Variants in GCSAML observed in about 807,000 individuals in gnomAD.
GCSAML encodes germinal center-associated signaling and motility-like protein.
Under a neutral mutation model 13.0 loss-of-function variants are expected in GCSAML, and 9 were observed. The ratio of observed to expected loss-of-function variants is 0.69; its 90% confidence interval spans 0.42 to 1.21. The LOEUF (loss-of-function observed/expected upper bound fraction) is 1.21. Among genes scored for constraint, GCSAML ranks in the 50% most tolerant of loss-of-function variants. The pLI is 0.00. For synonymous variants in GCSAML, 37 were observed against 52.9 expected, an observed-to-expected ratio of 0.70 and a Z score of 1.31; for missense variants, 143 against 153.4, an observed-to-expected ratio of 0.93 and a Z score of 0.36.
In GCSAML at chr1:247,563,102, C is replaced by T. The variant is rs545671711; in HGVS notation, c.90-488C>T. Among the ~76,000 whole-genome samples the T allele has an allele frequency of 2.0e-5, 3 of 151,670 alleles. No homozygotes were observed. The South Asian group carries it at 6.3e-4, about 32-fold the overall frequency. On this transcript the variant is annotated intron_variant, in intron 2 of 4. Coordinates refer to ENST00000366488, the MANE Select transcript of GCSAML (RefSeq NM_145278.5). ...TAACCTCGTGATCTGCCCGCCTTGG[C>T]CTCCCAAAGTGCTGGGATCACAGGC... is the stretch of plus-strand genomic sequence containing the variant.
intron 2 of GCSAML, among the ~76,000 whole-genome samples, chr1:247,535,876 GCAAC>G (rs1273282838): frequency 6.6e-6 from 1 of 152,132 alleles, no homozygotes; most frequent in African/African-American, 2.4e-5. Flanking sequence ...TTTTCAAAAT[GCAAC>G]CCTATCCCAA....
intron 1 of GCSAML, among the ~76,000 whole-genome samples, chr1:247,521,386 C>T (rs1044229205): frequency 2.3e-4 from 18 of 77,440 alleles, no homozygotes; most frequent in Non-Finnish European, 5.0e-4. Context: ...TCCCTCTCCA[C>T]GGTCTCCCTC....
chr1:247,573,046 G>A (rs779136859), intron 4 of GCSAML, among the ~76,000 whole-genome samples: 10 of 152,192 alleles, frequency 6.6e-5, no homozygotes, highest in Admixed American at 3.9e-4. Flanking sequence ...GTCCCAGGTC[G>A]ACTTCAGACT....
rs1374817003 is a variant in GCSAML at position 247,575,624 on chromosome 1, A to G, written c.*1242A>G. 8 of 152,236 alleles carry G rather than the reference A, an allele frequency of 5.3e-5. No homozygotes were observed. The highest frequency in any genetic ancestry group is 1.9e-4 in the African/African-American group (8 of 41,462). The allele number at this position is 152,236 out of a possible 1,614,324, so 9.4% of individuals were successfully genotyped here. A position where few individuals can be genotyped will look rare whatever the true frequency, so the allele number is the denominator to read the frequency against. On this transcript the variant is annotated 3_prime_UTR_variant, in exon 5 of 5. Coordinates refer to ENST00000366488, the MANE Select transcript of GCSAML (RefSeq NM_145278.5). ...GAAGAGAAATTGAAAGTGTCACAAA[A>G]TAAAAAAAGATGAAATGAAGCATAT...
chr1:247,545,915 CAA>C (rs1369998310), upstream of GCSAML, among the ~76,000 whole-genome samples: 1 of 151,852 alleles, frequency 6.6e-6, no homozygotes, highest in Non-Finnish European at 1.5e-5. Flanking sequence ...AACAATTCGT[CAA>C]GAGTGTAGAT....
At position 247,527,826 on chromosome 1, in the gene GCSAML, C is replaced by G. The variant is rs1482220388; in HGVS notation, c.-148+772C>G. On this transcript the variant is annotated intron_variant, in intron 2 of 5. Coordinates refer to the GCSAML transcript ENST00000366489. The surrounding 1 kb of genome is among the most constrained non-coding windows in gnomAD (Gnocchi z 4.6). ...GGTCATCCCGCAGTGGTATAGAACACTAGAACTTACTCCTCCAATGGAGCT... is the reference window on the plus strand; with the variant it reads ...GGTCATCCCGCAGTGGTATAGAACAGTAGAACTTACTCCTCCAATGGAGCT... 1 of 152,144 alleles carries G rather than the reference C, an allele frequency of 6.6e-6. No homozygotes were observed. The highest frequency in any genetic ancestry group is 2.4e-5 in the African/African-American group (1 of 41,434). 9.4% of individuals were successfully genotyped at this position (152,144 alleles called of 1,614,324 possible). A position where few individuals can be genotyped will look rare whatever the true frequency, so the allele number is the denominator to read the frequency against.
intron 2 of GCSAML, chr1:247,530,200 A>G (rs757162710): frequency 3.9e-5 from 6 of 152,192 alleles, no homozygotes; most frequent in Admixed American, 3.3e-4. Flanking sequence ...AATCAAAAAC[A>G]GGAACTGCCA....
Position 247,562,447 on chromosome 1 carries a change from C to T in GCSAML, c.90-1143C>T, listed in dbSNP as rs370436610. Among the ~76,000 whole-genome samples, 192 of 152,246 alleles carry T rather than the reference C, an allele frequency of 1.3e-3. 7 individuals are homozygous for T. The South Asian group carries it at 0.039, about 31-fold the overall frequency. Reference sequence around the variant, plus strand: ...CTGGCTGGGTGCCTGGAATTTCCCTCGAAGAAACTCACGACTTTCCTTTAT... The same window carrying T: ...CTGGCTGGGTGCCTGGAATTTCCCTTGAAGAAACTCACGACTTTCCTTTAT... On this transcript the variant is annotated intron_variant, in intron 2 of 4. Coordinates refer to ENST00000366488, the MANE Select transcript of GCSAML (RefSeq NM_145278.5).
At chr1:247,540,302 A>T (rs1558246584) in intron 2 of GCSAML, among the ~76,000 whole-genome samples, 2 of 152,172 alleles carry the variant, frequency 1.3e-5, no homozygotes, top group African/African-American at 2.4e-5. Context: ...AAGTGCTGGG[A>T]TTATAGGCTT....
At chr1:247,557,955 C>T (rs1668009259) in intron 2 of GCSAML, among the ~76,000 whole-genome samples, 1 of 152,046 alleles carries the variant, frequency 6.6e-6, no homozygotes, top group South Asian at 2.1e-4. Context: ...TTCATCATGT[C>T]TAAAGTGAGA....
chr1:247,565,240 C>G (rs1288169476), intron 3 of GCSAML, among the ~76,000 whole-genome samples: 1 of 152,044 alleles, frequency 6.6e-6, no homozygotes, highest in Non-Finnish European at 1.5e-5. Flanking sequence ...TGCCTGTAGT[C>G]CCAGCTACTT....
At chr1:247,544,276 T>C (rs1465424027), upstream of GCSAML, among the ~76,000 whole-genome samples, 3 of 152,188 alleles carry the variant, frequency 2.0e-5, no homozygotes, top group Non-Finnish European at 4.4e-5. Flanking sequence ...GAAAACATTT[T>C]TAGTTAGGTC....
At chr1:247,549,369 C>A (rs915660911) in intron 1 of GCSAML, 149 bp downstream of exon 1, 6 of 599,786 alleles carry the variant, frequency 1.0e-5, no homozygotes, top group Admixed American at 8.9e-5. Context: ...CACAGTGACG[C>A]CCAGTTGGCT....
Position 247,574,445 on chromosome 1 carries a change from G to A in GCSAML, c.*63G>A, listed in dbSNP as rs1668757635. The A allele has an allele frequency of 1.5e-5, 24 of 1,577,144 alleles. No homozygotes were observed. Among genetic ancestry groups the A allele is most frequent in the South Asian group, 4.7e-5 (4 of 85,686 alleles). On this transcript the variant is annotated 3_prime_UTR_variant, in exon 5 of 5. Coordinates refer to ENST00000366488, the MANE Select transcript of GCSAML (RefSeq NM_145278.5). ...ACAATGCAGAATAGCAGACTCTGGCGAAGTTGTTCACCCTGAGCAGTGCAT... is the reference window on the plus strand; with the variant it reads ...ACAATGCAGAATAGCAGACTCTGGCAAAGTTGTTCACCCTGAGCAGTGCAT...
rs569544369 is a variant in GCSAML at position 247,541,866 on chromosome 1, C to T, written c.-147-7179C>T. On this transcript the variant is annotated intron_variant, in intron 2 of 5. Transcript: ENST00000366489. ...CTCTACAAAAAACACAAAAATTAGC[C>T]AGGCATGGTGGTGCGTGCCTGTAGT... Among the ~76,000 whole-genome samples the T allele has an allele frequency of 2.6e-5, 4 of 151,928 alleles. No homozygotes were observed. The East Asian group carries it at 7.8e-4, about 30-fold the overall frequency.
At chr1:247,543,365 T>C (rs1250471647) in intron 2 of GCSAML, among the ~76,000 whole-genome samples, 2 of 152,322 alleles carry the variant, frequency 1.3e-5, no homozygotes, top group African/African-American at 4.8e-5. Flanking sequence ...TATTACAGTA[T>C]ATTGTTATAA....
At chr1:247,518,127 C>T in intron 1 of GCSAML, among the ~76,000 whole-genome samples, 1 of 152,214 alleles carries the variant, frequency 6.6e-6, no homozygotes, top group East Asian at 1.9e-4. Context: ...CCATGGCCCG[C>T]GTGGGTGTGC....
intron 1 of GCSAML, among the ~76,000 whole-genome samples, chr1:247,512,872 G>C (rs932724579): frequency 2.6e-5 from 4 of 152,136 alleles, no homozygotes; most frequent in African/African-American, 9.7e-5. Flanking sequence ...CTGCCTGTTC[G>C]TTCCTCTGGA....
chr1:247,563,681 C>T, intron 3 of GCSAML, 42 bp downstream of exon 3: 2 of 1,115,274 alleles, frequency 1.8e-6, no homozygotes, highest in Non-Finnish European at 2.7e-6. Context: ...TAGGGAAGTG[C>T]AAATTTAAGC....
Sources: gnomAD v4.1 joint callset for allele counts (sites outside exome capture counted in the v4.1 genomes callset) on GRCh38, gnomAD v4.1.1 for gene constraint, Gnocchi (gnomAD v3.1) non-coding constraint, MANE v1.5 for transcripts, NCBI Gene and HGNC (gene_info 2026-07-23, HGNC 2026-07-21) for gene names.